The following RCC2 variants were observed in gnomAD, a reference collection of about 807,000 sequenced individuals.
The protein encoded by RCC2 is protein RCC2.
A neutral mutation model predicts 64.1 loss-of-function variants in RCC2; 19 were observed. The ratio of observed to expected loss-of-function variants is 0.30; its 90% confidence interval spans 0.21 to 0.44. RCC2 has a LOEUF of 0.44. Among genes scored for constraint, RCC2 ranks in the 20% least tolerant of loss-of-function variants. The pLI is 1.00. For synonymous variants in RCC2, 325 were observed against 279.6 expected (o/e 1.16, Z -1.62); for missense variants, 508 against 710.4 (o/e 0.72, Z 3.24).
chr1:17,422,020 C>T (rs1053491181), intron 6 of RCC2, among the ~76,000 whole-genome samples, 183 bp downstream of exon 6: 1 of 151,634 alleles, frequency 6.6e-6, no homozygotes, highest in Admixed American at 6.6e-5. Flanking sequence ...AGTGAAACTC[C>T]GTTCTCAAAA....
chr1:17,437,696 C>A (rs2075751877), intron 2 of RCC2, among the ~76,000 whole-genome samples: 1 of 146,708 alleles, frequency 6.8e-6, no homozygotes, highest in Non-Finnish European at 1.5e-5. Flanking sequence ...GCCGTCAGGC[C>A]CCGCCCCCCC....
chr1:17,411,125 C>T (rs144038173), intron 11 of RCC2, among the ~76,000 whole-genome samples: 1 of 152,102 alleles, frequency 6.6e-6, no homozygotes, highest in Non-Finnish European at 1.5e-5. Flanking sequence ...ACCTTGCAAC[C>T]ACAAGAGTGC....
At chr1:17,414,479 G>A (rs1476350424) in intron 8 of RCC2, among the ~76,000 whole-genome samples, 4 of 146,104 alleles carry the variant, frequency 2.7e-5, no homozygotes, top group African/African-American at 5.1e-5. Flanking sequence ...GCAGTGAGCC[G>A]AGATAGCGTC....
chr1:17,409,929 T>C lies in RCC2; in HGVS notation c.1464+45A>G, dbSNP rs754988042. 9.4e-6 allele frequency: 14 copies of C among 1,494,520 alleles called. No individual in the cohort carries two copies. In the East Asian group the frequency reaches 3.2e-4, roughly 34 times the overall value. The allele number at this position is 1,494,520 out of a possible 1,614,324, so 92.6% of individuals were successfully genotyped here. On this transcript the variant is annotated intron_variant, in intron 12 of 12. Transcript: ENST00000375436. Reference sequence around the variant, plus strand: ...AAAATCATGAGGAGTGACATACCACTGGGTACGGACACGTCCCCGAGCTGG... The same window carrying C: ...AAAATCATGAGGAGTGACATACCACCGGGTACGGACACGTCCCCGAGCTGG...
chr1:17,438,359 G>A lies in RCC2; in HGVS notation c.156C>T (p.Gly52=). Residue 52 remains glycine, a synonymous_variant, in exon 2 of 13, where the codon GGC becomes GGT. Coordinates refer to ENST00000375436, the MANE Select transcript of RCC2 (RefSeq NM_018715.4). ...CGTCGAGCTCCAGGCCGTCCTCGTC[G>A]CCGCTGCTGCCGCCGCCGCTGCTGC... is the stretch of plus-strand genomic sequence containing the variant. ...CSSSSGGGSS[G]DEDGLELDGA... 1 of 1,237,326 alleles carries A rather than the reference G, an allele frequency of 8.1e-7. No homozygotes were observed. The highest frequency in any genetic ancestry group is 3.4e-5 in the South Asian group (1 of 29,150). 76.6% of individuals were successfully genotyped at this position (1,237,326 alleles called of 1,614,324 possible).
chr1:17,435,951 T>C (rs2075731301), intron 2 of RCC2, among the ~76,000 whole-genome samples: 1 of 147,690 alleles, frequency 6.8e-6, no homozygotes, highest in Admixed American at 6.7e-5. Context: ...AACTTAAATG[T>C]AGGGTGTGCA....
At chr1:17,427,911 C>T (rs537928558) in intron 3 of RCC2, among the ~76,000 whole-genome samples, 28 of 152,212 alleles carry the variant, frequency 1.8e-4, no homozygotes, top group African/African-American at 2.7e-4. Context: ...TCAATTCCCA[C>T]GGCCTCCGGA....
At chr1:17,409,891 G>T in intron 12 of RCC2, 83 bp downstream of exon 12, 1 of 1,205,056 alleles carries the variant, frequency 8.3e-7, no homozygotes, top group Non-Finnish European at 1.2e-6. Context: ...AACCCAAACA[G>T]ACTGCGATGA....
In RCC2 at chr1:17,407,898, C is replaced by A. The variant is rs1390295336; in HGVS notation, c.*1192G>T. On this transcript the variant is annotated 3_prime_UTR_variant, in exon 13 of 13. Transcript: ENST00000375436. ...AGCTGTCGCCTCTCTTGGGTCCAGG[C>A]GAGAGGAGGGTTCCGGGAAAGGCAC... The A allele has an allele frequency of 6.6e-6, 1 of 152,628 alleles. No individual in the cohort carries two copies. The highest frequency in any genetic ancestry group is 1.5e-5 in the Non-Finnish European group (1 of 68,086). 9.5% of individuals were successfully genotyped at this position (152,628 alleles called of 1,614,324 possible). A position where few individuals can be genotyped will look rare whatever the true frequency, so the allele number is the denominator to read the frequency against.
At chr1:17,431,204 G>C (rs553411503) in intron 2 of RCC2, among the ~76,000 whole-genome samples, 1 of 149,016 alleles carries the variant, frequency 6.7e-6, no homozygotes, top group South Asian at 2.1e-4. Context: ...CATGGTGACC[G>C]GCACCTGTAG....
chr1:17,438,526 G>A lies in RCC2; in HGVS notation c.-8-4C>T, dbSNP rs774428327. ...TTCTTCCTGGGCATGGTCGCGGCTG[G>A]AGGGAGACACGGGGCAGCGGCGCAC... On this transcript the variant is annotated splice_region_variant and splice_polypyrimidine_tract_variant and intron_variant, in intron 1 of 12. Transcript: ENST00000375436. 3.8e-6 allele frequency: 5 copies of A among 1,330,696 alleles called. No homozygotes were observed. The South Asian group carries it at 1.2e-4, about 31-fold the overall frequency. 82.4% of individuals were successfully genotyped at this position (1,330,696 alleles called of 1,614,324 possible). A position where few individuals can be genotyped will look rare whatever the true frequency, so the allele number is the denominator to read the frequency against.
At chr1:17,419,737 G>C (rs968278157) in intron 7 of RCC2, among the ~76,000 whole-genome samples, 1 of 152,192 alleles carries the variant, frequency 6.6e-6, no homozygotes, top group African/African-American at 2.4e-5. Flanking sequence ...GCAGAGGGGA[G>C]GCCAAGGCAG....
chr1:17,423,387 G>A (rs1052915685), intron 4 of RCC2, among the ~76,000 whole-genome samples: 8 of 152,084 alleles, frequency 5.3e-5, no homozygotes, highest in African/African-American at 1.9e-4. Context: ...CCTAGGGATC[G>A]CCCCTCAAGG....
At chr1:17,438,593 A>G (rs959365423) in intron 1 of RCC2, 71 bp from the exon 2 acceptor site, 21 of 1,252,940 alleles carry the variant, frequency 1.7e-5, no homozygotes, top group Non-Finnish European at 2.0e-5. Context: ...GGGAGCGGAG[A>G]CGAGCCACCC....
At chr1:17,436,386 C>T (rs867026663) in intron 2 of RCC2, among the ~76,000 whole-genome samples, 2 of 152,170 alleles carry the variant, frequency 1.3e-5, no homozygotes, top group African/African-American at 2.4e-5. Flanking sequence ...CACTTGTAAT[C>T]CCAGCTGCTC....
intron 1 of RCC2, among the ~76,000 whole-genome samples, chr1:17,439,085 C>A (rs1230068433): frequency 2.0e-5 from 3 of 152,114 alleles, no homozygotes; most frequent in Non-Finnish European, 4.4e-5. Context: ...GGGTGCCGAC[C>A]TCGGGCTCTA....
At chr1:17,438,195 C>T in intron 2 of RCC2, 35 bp downstream of exon 2, 1 of 1,183,776 alleles carries the variant, frequency 8.4e-7, no homozygotes. Context: ...CGGCCCCGGC[C>T]CTGCGCCCAC....
At chr1:17,423,551 A>C (rs777582832) in intron 4 of RCC2, among the ~76,000 whole-genome samples, 1 of 152,198 alleles carries the variant, frequency 6.6e-6, no homozygotes, top group African/African-American at 2.4e-5. Flanking sequence ...CCTACCCCCA[A>C]GTCCTCTGCA....
At position 17,438,502 on chromosome 1, in the gene RCC2, T is replaced by C. The variant is rs1206451507; in HGVS notation, c.13A>G (p.Lys5Glu). The change falls in exon 2 of 13, where the codon AAG becomes GAG. Residue 5 changes from lysine (K) to glutamate (E), a missense_variant. Lys to Glu is a moderately conservative substitution (Grantham distance 56, BLOSUM62 1). Transcript: ENST00000375436. MPRK[K>E]AAAAAWEEPS... ...TCCTCCCAGGCCGCCGCCGCCGCCT[T>C]CTTCCTGGGCATGGTCGCGGCTGGA... The C allele has an allele frequency of 1.7e-5, 23 of 1,345,334 alleles. No individual in the cohort carries two copies. Among genetic ancestry groups the C allele is most frequent in the Admixed American group, 6.0e-5 (2 of 33,298 alleles). The allele number at this position is 1,345,334 out of a possible 1,614,324, so 83.3% of individuals were successfully genotyped here. A position where few individuals can be genotyped will look rare whatever the true frequency, so the allele number is the denominator to read the frequency against.
Sources: allele counts gnomAD v4.1 joint callset (sites outside exome capture counted in the v4.1 genomes callset), GRCh38; gene constraint gnomAD v4.1.1; transcripts MANE v1.5; gene names NCBI Gene and HGNC (gene_info 2026-07-23, HGNC 2026-07-21).